The following KCNG1 variants were observed in gnomAD, a reference collection of about 807,000 sequenced individuals.
KCNG1 encodes voltage-gated potassium channel regulatory subunit KCNG1.
In KCNG1, 17 loss-of-function variants were observed where a neutral mutation model predicts 32.4. The ratio of observed to expected loss-of-function variants is 0.52; its 90% CI spans 0.36 to 0.79. KCNG1 has a LOEUF of 0.79. Ranked by LOEUF, KCNG1 falls within the 30% of genes least tolerant of loss-of-function variation. The pLI is 0.00. For missense variants in KCNG1, 441 were observed against 735.2 expected, an observed-to-expected ratio of 0.60 and a Z score of 4.63; for synonymous variants, 358 against 339.9, an observed-to-expected ratio of 1.05 and a Z score of -0.59.
chr20:51,012,218 T>TTG (rs2123244915), intron 1 of KCNG1: 1 of 152,388 alleles, frequency 6.6e-6, no homozygotes, highest in East Asian at 1.9e-4. Flanking sequence ...CCACGTTTGC[T>TTG]CAGGGGTCAG....
At position 51,009,696 on chromosome 20, in the gene KCNG1, C is replaced by T; in HGVS notation, c.643G>A (p.Asp215Asn). The T allele has an allele frequency of 6.2e-7, 1 of 1,604,318 alleles. No individual in the cohort carries two copies. The highest frequency in any genetic ancestry group is 8.5e-7 in the Non-Finnish European group (1 of 1,178,448). The change falls in exon 2 of 3, where the codon GAC (aspartate) becomes AAC (asparagine). Residue 215 changes from aspartate (D) to asparagine (N), a missense_variant. By Grantham distance (23) the Asp-to-Asn change is conservative. Transcript: ENST00000371571. ...CCCGAGTGCGGCCTCTCCACCATGT[C>T]GCGCAGTCGCCGCATGCAGCGCCCC... ...RLGRCMRRLR[D>N]MVERPHSGLP...
intron 1 of KCNG1, among the ~76,000 whole-genome samples, chr20:51,013,405 CA>C (rs763089352): frequency 2.6e-5 from 4 of 152,230 alleles, no homozygotes; most frequent in African/African-American, 2.4e-5. Context: ...AACGGAAACC[CA>C]TTTCCAATAC....
At position 51,005,739 on chromosome 20, in the gene KCNG1, A is replaced by C. The variant is rs1265400192; in HGVS notation, c.775-933T>G. ...ATAATTGGGTGGTAAACAGTCCTTT[A>C]GTGGATTTGGGCCTCATCCTTGAAG... is the stretch of plus-strand genomic sequence containing the variant. On this transcript the variant is annotated intron_variant, in intron 2 of 2. Transcript: ENST00000371571. The surrounding 1 kb of genome is among the most constrained non-coding windows in gnomAD (Gnocchi z 4.0). The C allele has an allele frequency of 1.3e-5, 2 of 152,140 alleles. No individual in the cohort carries two copies. Among genetic ancestry groups the C allele is most frequent in the Non-Finnish European group, 2.9e-5 (2 of 68,040 alleles). The allele number at this position is 152,140 out of a possible 1,614,324, so 9.4% of individuals were successfully genotyped here. A position where few individuals can be genotyped will look rare whatever the true frequency, so the allele number is the denominator to read the frequency against.
chr20:51,010,452 G>T, intron 1 of KCNG1, 88 bp from the exon 2 acceptor site: 1 of 927,840 alleles, frequency 1.1e-6, no homozygotes, highest in Non-Finnish European at 1.6e-6. Context: ...TTCACTGTTA[G>T]GGATGGAATC....
In KCNG1 at chr20:51,004,147, C is replaced by T. The variant is rs149520817; in HGVS notation, c.1434G>A (p.Met478Ile). The T allele has an allele frequency of 6.2e-6, 10 of 1,614,232 alleles. No homozygotes were observed. The highest frequency in any genetic ancestry group is 7.6e-6 in the Non-Finnish European group (9 of 1,180,032). ...TGATGAGGAACTGCGCCCTCCGGAA[C>T]ATCACCCTCTCTTGCTCCTGCTTGA... ...LELKQEQERV[M>I]FRRAQFLIKT... Residue 478 changes from methionine to isoleucine, a missense_variant, in exon 3 of 3, where the codon ATG becomes ATA. Around this residue, in one of 6 missense-constraint regions of KCNG1, gnomAD observed 53 missense variants for 79.1 expected, o/e 0.67. Transcript: ENST00000371571. This position sits in a 1 kb window ranked among gnomAD's most constrained non-coding sequence, Gnocchi z 4.3.
At position 51,010,221 on chromosome 20, in the gene KCNG1, A is replaced by T; in HGVS notation, c.118T>A (p.Tyr40Asn). ...GGCCGCAGCCGCTGCGCCCGGCGGT[A>T]GAACGCGCCCTTGATGGCCTGGCGC... is the stretch of plus-strand genomic sequence containing the variant. ...PQRQAIKGAFYRRAQRLRPQD... is the reference protein window; with the variant it reads ...PQRQAIKGAFNRRAQRLRPQD... The change falls in exon 2 of 3, where the codon TAC (tyrosine) becomes AAC (asparagine). Residue 40 changes from tyrosine (Y) to asparagine (N), a missense_variant. Transcript: ENST00000371571. 6.4e-7 allele frequency: 1 copy of T among 1,573,024 alleles called. No individual in the cohort carries two copies.
intron 2 of KCNG1, among the ~76,000 whole-genome samples, chr20:51,008,358 TCTCA>T (rs1335536113): frequency 2.6e-5 from 4 of 152,066 alleles, no homozygotes; most frequent in East Asian, 3.9e-4. Context: ...AGAGATGGAG[TCTCA>T]CTCTGTCGCC....
In KCNG1 at chr20:51,004,872, C is replaced by G. The variant is rs1987767433; in HGVS notation, c.775-66G>C. 7.0e-6 allele frequency: 10 copies of G among 1,431,538 alleles called. No individual in the cohort carries two copies. The highest frequency in any genetic ancestry group is 9.3e-6 in the Non-Finnish European group (10 of 1,080,716). The allele number at this position is 1,431,538 out of a possible 1,614,324, so 88.7% of individuals were successfully genotyped here. A position where few individuals can be genotyped will look rare whatever the true frequency, so the allele number is the denominator to read the frequency against. On this transcript the variant is annotated intron_variant, in intron 2 of 2. Transcript: ENST00000371571. This position sits in a 1 kb window ranked among gnomAD's most constrained non-coding sequence, Gnocchi z 4.3. ...CCTCCAGGAAAGGAGGGCAGAAGCT[C>G]TGCCCTGTGCCCTGCTGGGCTTCCC...
chr20:51,004,143 G>A lies in KCNG1; in HGVS notation c.1438C>T (p.Arg480Trp). ...LKQEQERVMFRRAQFLIKTKS... is the reference protein window; with the variant it reads ...LKQEQERVMFWRAQFLIKTKS... ...GTTTTGATGAGGAACTGCGCCCTCCGGAACATCACCCTCTCTTGCTCCTGC... is the reference window on the plus strand; with the variant it reads ...GTTTTGATGAGGAACTGCGCCCTCCAGAACATCACCCTCTCTTGCTCCTGC... Residue 480 changes from arginine to tryptophan, a missense_variant, in exon 3 of 3, where the codon CGG becomes TGG. This residue lies in a region of KCNG1 where 53 missense variants were observed against 79.1 expected (regional missense o/e 0.67). Coordinates refer to ENST00000371571, the MANE Select transcript of KCNG1 (RefSeq NM_002237.4). This position sits in a 1 kb window ranked among gnomAD's most constrained non-coding sequence, Gnocchi z 4.3. 1 of 1,614,176 alleles carries A rather than the reference G, an allele frequency of 6.2e-7. No homozygotes were observed. Among genetic ancestry groups the A allele is most frequent in the Non-Finnish European group, 8.5e-7 (1 of 1,180,008 alleles).
intron 2 of KCNG1, among the ~76,000 whole-genome samples, chr20:51,008,641 T>C (rs567938089): frequency 4.2e-4 from 24 of 57,332 alleles, no homozygotes; most frequent in African/African-American, 9.4e-4. Context: ...CCTGATCTTA[T>C]GATTTTTTTT....
In KCNG1 at chr20:51,009,762, C is replaced by G. The variant is rs749121193; in HGVS notation, c.577G>C (p.Gly193Arg). The change falls in exon 2 of 3, where the codon GGC (glycine) becomes CGC (arginine). Residue 193 changes from glycine to arginine, a missense_variant. By Grantham distance (125) the Gly-to-Arg change is moderately radical. This residue lies in a region of KCNG1 where 52 missense variants were observed against 50.3 expected (regional missense o/e 1.03). Transcript: ENST00000371571. ...EEEDDALDSE[G>R]RDSEGPAEGE... ...TCGGCCGGGCCCTCGCTGTCGCGGC[C>G]CTCGCTGTCCAGCGCGTCGTCCTCT... 2 of 1,610,264 alleles carry G rather than the reference C, an allele frequency of 1.2e-6. No homozygotes were observed. Among genetic ancestry groups the G allele is most frequent in the Non-Finnish European group, 8.5e-7 (1 of 1,179,712 alleles).
chr20:51,013,489 T>C (rs561644096), intron 1 of KCNG1, among the ~76,000 whole-genome samples: 1 of 151,960 alleles, frequency 6.6e-6, no homozygotes, highest in Non-Finnish European at 1.5e-5. Flanking sequence ...CACAAACACA[T>C]GTACCTATGA....
At chr20:51,014,984 A>G (rs1988226578) in intron 1 of KCNG1, among the ~76,000 whole-genome samples, 1 of 152,060 alleles carries the variant, frequency 6.6e-6, no homozygotes, top group East Asian at 1.9e-4. Flanking sequence ...AAGCTGGGAG[A>G]AGAGGAGAGG....
chr20:51,011,454 C>T (rs1988092323), intron 1 of KCNG1, among the ~76,000 whole-genome samples: 1 of 151,882 alleles, frequency 6.6e-6, no homozygotes, highest in Admixed American at 6.6e-5. Flanking sequence ...AGCATTTTTG[C>T]TGGTCATGAC....
intron 1 of KCNG1, among the ~76,000 whole-genome samples, chr20:51,018,565 G>A (rs1043171332): frequency 4.6e-5 from 7 of 152,184 alleles, no homozygotes; most frequent in Admixed American, 1.3e-4. Flanking sequence ...GGGGAATGCA[G>A]AGAGAGCGCT....
rs1359855208 is a variant in KCNG1, at chr20:51,009,556, G to A, written c.774+9C>T. 2 of 1,587,966 alleles carry A rather than the reference G, an allele frequency of 1.3e-6. No homozygotes were observed. Among genetic ancestry groups the A allele is most frequent in the Admixed American group, 1.8e-5 (1 of 55,476 alleles). On this transcript the variant is annotated intron_variant, in intron 2 of 2. Coordinates refer to ENST00000371571, the MANE Select transcript of KCNG1 (RefSeq NM_002237.4). ...GTGGCGCGTTTCCCCGCGGGGCGTG[G>A]GCTCTTACCTGCTCCTCCTCCTCCC...
At chr20:51,020,201 G>A (rs142203257) in intron 1 of KCNG1, among the ~76,000 whole-genome samples, 81 of 152,330 alleles carry the variant, frequency 5.3e-4, no homozygotes, top group African/African-American at 1.9e-3. Flanking sequence ...ATGCACGTTT[G>A]CGTTTGCCTT....
At chr20:51,010,403 C>T (rs1568800526) in intron 1 of KCNG1, 39 bp from the exon 2 acceptor site, 2 of 1,310,916 alleles carry the variant, frequency 1.5e-6, no homozygotes, top group Non-Finnish European at 2.1e-6. Flanking sequence ...AGTGACCACC[C>T]CTAGCTTCAC....
intron 1 of KCNG1, among the ~76,000 whole-genome samples, chr20:51,017,187 C>A (rs1203465764): frequency 6.6e-6 from 1 of 152,144 alleles, no homozygotes; most frequent in Non-Finnish European, 1.5e-5. Context: ...AGTGGACAGG[C>A]AAGTCTTCGT....
Sources: gnomAD v4.1 joint callset for allele counts (sites outside exome capture counted in the v4.1 genomes callset) on GRCh38, gnomAD v4.1.1 for gene constraint, gnomAD v4.1.1 regional missense constraint, Gnocchi (gnomAD v3.1) non-coding constraint, MANE v1.5 for transcripts, NCBI Gene and HGNC (gene_info 2026-07-23, HGNC 2026-07-21) for gene names.